Variants in ALCAM observed in about 807,000 individuals in gnomAD.
ALCAM encodes the protein CD166 antigen.
In ALCAM, 30 loss-of-function variants were observed where a neutral mutation model predicts 70.9. The observed-to-expected ratio is 0.42, with a 90% CI of 0.32 to 0.57. The LOEUF is 0.57. ALCAM is among the 20% of genes least tolerant of loss of function. The pLI is 0.11. For missense variants in ALCAM, 591 were observed against 695.1 expected (o/e 0.85, Z 1.68); for synonymous variants, 249 against 242.5 (o/e 1.03, Z -0.25).
At chr3:105,408,092 T>C (rs115314417) in intron 1 of ALCAM, among the ~76,000 whole-genome samples, 4,352 of 152,162 alleles carry the variant, frequency 0.029, 169 homozygotes, top group African/African-American at 0.084. Context: ...CACCCCATGC[T>C]CATGGTTGGG....
At chr3:105,563,167 T>C (rs938989426) in intron 14 of ALCAM, among the ~76,000 whole-genome samples, 2 of 149,112 alleles carry the variant, frequency 1.3e-5, no homozygotes, top group African/African-American at 5.0e-5. Context: ...GGTTGCTCAA[T>C]AATTTATCCA....
At chr3:105,375,497 T>C (rs966413138) in intron 1 of ALCAM, among the ~76,000 whole-genome samples, 3 of 152,200 alleles carry the variant, frequency 2.0e-5, no homozygotes, top group Admixed American at 1.3e-4. Context: ...AAGAAAGATG[T>C]GAGGTTGTAG....
chr3:105,476,670 A>G (rs1392972051), intron 1 of ALCAM, among the ~76,000 whole-genome samples: 1 of 152,136 alleles, frequency 6.6e-6, no homozygotes, highest in African/African-American at 2.4e-5. Flanking sequence ...AAAATATGCC[A>G]TCTCAGTAAG....
chr3:105,538,177 A>G (rs1401953798), intron 6 of ALCAM, among the ~76,000 whole-genome samples: 1 of 152,162 alleles, frequency 6.6e-6, no homozygotes, highest in Non-Finnish European at 1.5e-5. Flanking sequence ...AAGGTGAGGA[A>G]CCAAGTGAAA....
intron 1 of ALCAM, among the ~76,000 whole-genome samples, chr3:105,469,049 C>G (rs1422444031): frequency 6.6e-6 from 1 of 151,132 alleles, no homozygotes; most frequent in African/African-American, 2.4e-5. Flanking sequence ...TTTGATTGGT[C>G]ATTATATGTG....
chr3:105,539,384 A>G (rs1265216701), intron 6 of ALCAM, among the ~76,000 whole-genome samples: 2 of 152,082 alleles, frequency 1.3e-5, no homozygotes, highest in Non-Finnish European at 2.9e-5. Flanking sequence ...GCTCCAATGA[A>G]CAGGACAAAA....
chr3:105,514,762 C>T lies in ALCAM; in HGVS notation c.74-5305C>T, dbSNP rs191005254. On this transcript the variant is annotated intron_variant, in intron 1 of 15. Coordinates refer to ENST00000306107, the MANE Select transcript of ALCAM (RefSeq NM_001627.4). The stretch of plus-strand genomic sequence containing the variant: ...TGGGGGGAGGAGGAAGGAATAATTA[C>T]TATTTATCTTATTTGTAGGCCTCAC... Among the ~76,000 whole-genome samples the T allele has an allele frequency of 5.3e-5, 8 of 151,910 alleles. 1 individual carries two copies. The East Asian group carries it at 1.5e-3, about 29-fold the overall frequency.
intron 1 of ALCAM, among the ~76,000 whole-genome samples, chr3:105,514,282 G>A (rs1280672159): frequency 1.3e-5 from 2 of 152,010 alleles, no homozygotes; most frequent in Non-Finnish European, 2.9e-5. Context: ...ATGATTCGAT[G>A]ATTTTTGAGA....
intron 1 of ALCAM, among the ~76,000 whole-genome samples, chr3:105,499,908 C>T (rs1192840555): frequency 6.6e-6 from 1 of 152,212 alleles, no homozygotes; most frequent in Non-Finnish European, 1.5e-5. Flanking sequence ...CTGCATTTCA[C>T]AATTAGATTT....
chr3:105,464,927 C>G (rs1937672322), intron 1 of ALCAM, among the ~76,000 whole-genome samples: 1 of 151,456 alleles, frequency 6.6e-6, no homozygotes, highest in Non-Finnish European at 1.5e-5. Context: ...GTCACCCAAT[C>G]TCTTTCCAGT....
At chr3:105,380,420 T>C (rs1389114658) in intron 1 of ALCAM, among the ~76,000 whole-genome samples, 1 of 151,946 alleles carries the variant, frequency 6.6e-6, no homozygotes, top group Non-Finnish European at 1.5e-5. Flanking sequence ...CCACTCTGTG[T>C]GTGACCCTGA....
chr3:105,513,518 G>A (rs1469192830), intron 1 of ALCAM, among the ~76,000 whole-genome samples: 1 of 151,896 alleles, frequency 6.6e-6, no homozygotes, highest in African/African-American at 2.4e-5. Context: ...TCACTACCCT[G>A]TAGCTGTATT....
chr3:105,534,522 C>A, intron 5 of ALCAM, 141 bp from the exon 6 acceptor site: 1 of 740,642 alleles, frequency 1.4e-6, no homozygotes, highest in East Asian at 2.7e-5. Context: ...CGACATCTAA[C>A]CTCACTACAT....
intron 1 of ALCAM, among the ~76,000 whole-genome samples, chr3:105,509,728 T>C (rs1355839987): frequency 6.6e-6 from 1 of 152,122 alleles, no homozygotes; most frequent in Non-Finnish European, 1.5e-5. Flanking sequence ...TTTAGTTTAA[T>C]ATAGTCTTAC....
At chr3:105,431,554 G>T (rs1223649390) in intron 1 of ALCAM, among the ~76,000 whole-genome samples, 1 of 152,092 alleles carries the variant, frequency 6.6e-6, no homozygotes, top group Admixed American at 6.6e-5. Flanking sequence ...ACAGCATAAG[G>T]TGAGCCCAAG....
intron 1 of ALCAM, among the ~76,000 whole-genome samples, chr3:105,486,546 A>G (rs763697298): frequency 4.6e-5 from 7 of 152,182 alleles, no homozygotes; most frequent in Non-Finnish European, 8.8e-5. Flanking sequence ...ATTAGAAGGA[A>G]TTAGCTTTTG....
rs182397014 is a variant in ALCAM at position 105,437,477 on chromosome 3, A to T, written c.73+69996A>T. 6.6e-5 allele frequency among the ~76,000 whole-genome samples: 10 copies of T among 152,252 alleles called. No individual in the cohort carries two copies. The East Asian group carries it at 1.9e-3, about 29-fold the overall frequency. ...TTCATGGCAAAAATGAGACTAAAAC[A>T]TTAGGACATTTCATCCACAATAATT... On this transcript the variant is annotated intron_variant, in intron 1 of 15. Coordinates refer to ENST00000306107, the MANE Select transcript of ALCAM (RefSeq NM_001627.4).
Position 105,482,208 on chromosome 3 carries a change from G to T in ALCAM, c.74-37859G>T, listed in dbSNP as rs114344316. Among the ~76,000 whole-genome samples, 876 of 152,260 alleles carry T rather than the reference G, an allele frequency of 5.8e-3. 8 individuals are homozygous for T. The highest frequency in any genetic ancestry group is 0.02 in the African/African-American group (844 of 41,542). ...GGTCACTGCAACCTCTGTCTCCTGG[G>T]TTCAAGCTATCCTCCTACCTCAGTC... On this transcript the variant is annotated intron_variant, in intron 1 of 15. Transcript: ENST00000306107.
chr3:105,444,709 A>G (rs890092593), intron 1 of ALCAM, among the ~76,000 whole-genome samples: 1 of 152,224 alleles, frequency 6.6e-6, no homozygotes. Flanking sequence ...ATGCTTAATA[A>G]TACTATTTTA....
Sources: gnomAD v4.1 joint callset for allele counts (sites outside exome capture counted in the v4.1 genomes callset) on GRCh38, gnomAD v4.1.1 for gene constraint, MANE v1.5 for transcripts, NCBI Gene and HGNC (gene_info 2026-07-23, HGNC 2026-07-21) for gene names.